ITGB8: variants seen among roughly 807,000 people sequenced by gnomAD.
ITGB8 encodes the protein integrin beta-8.
Under a neutral mutation model 89.5 loss-of-function variants are expected in ITGB8, and 30 were observed. The observed-to-expected ratio is 0.34, with a 90% CI of 0.25 to 0.45. The LOEUF is 0.45. Ranked by LOEUF, ITGB8 falls within the 20% of genes least tolerant of loss-of-function variation. The pLI, the probability that ITGB8 is intolerant of heterozygous loss-of-function variation, is 1.00. For synonymous variants in ITGB8, 335 were observed against 320.4 expected (o/e 1.05, Z -0.49); for missense variants, 836 against 933.3 (o/e 0.90, Z 1.36).
chr7:20,406,447 G>A (rs1787547155), intron 12 of ITGB8, among the ~76,000 whole-genome samples: 1 of 151,944 alleles, frequency 6.6e-6, no homozygotes, highest in Non-Finnish European at 1.5e-5. Context: ...CTACTCAGGA[G>A]GCATAGGCAG....
chr7:20,348,607 C>T (rs1785006739), intron 1 of ITGB8, among the ~76,000 whole-genome samples: 1 of 152,166 alleles, frequency 6.6e-6, no homozygotes, highest in Admixed American at 6.5e-5. Context: ...TGGCTCTGTC[C>T]ATGGTGGAGG....
intron 1 of ITGB8, among the ~76,000 whole-genome samples, chr7:20,357,533 C>T (rs1227736230): frequency 2.0e-5 from 3 of 151,760 alleles, no homozygotes; most frequent in Admixed American, 2.0e-4. Flanking sequence ...GATAATATAC[C>T]CAACATAGAT....
Position 20,331,597 on chromosome 7 carries a change from C to T in ITGB8, c.-210C>T. On this transcript the variant is annotated 5_prime_UTR_variant, in exon 1 of 14. Transcript: ENST00000222573. ...AGACCGCGGGACCCGCCGTGCCGAGCCGGGAGGGCCGCAGGGGCCCTGAGA... is the reference window on the plus strand; with the variant it reads ...AGACCGCGGGACCCGCCGTGCCGAGTCGGGAGGGCCGCAGGGGCCCTGAGA... 1 of 495,042 alleles carries T rather than the reference C, an allele frequency of 2.0e-6. No individual in the cohort carries two copies. Among genetic ancestry groups the T allele is most frequent in the Non-Finnish European group, 3.3e-6 (1 of 300,124 alleles). The allele number at this position is 495,042 out of a possible 1,614,324, so 30.7% of individuals were successfully genotyped here.
intron 3 of ITGB8, among the ~76,000 whole-genome samples, chr7:20,370,158 G>A (rs1001378498): frequency 6.6e-6 from 1 of 151,758 alleles, no homozygotes; most frequent in Non-Finnish European, 1.5e-5. Context: ...GAGAACCAGA[G>A]AGCTGGTTCT....
At chr7:20,346,607 C>A in intron 1 of ITGB8, 1 of 591,126 alleles carries the variant, frequency 1.7e-6, no homozygotes, top group Non-Finnish European at 2.1e-6. Flanking sequence ...AAGGAAGAGA[C>A]AAGGTCTGAG....
In ITGB8 at chr7:20,412,426, G is replaced by T. The variant is rs901234213; in HGVS notation, c.*2429G>T. 1.3e-5 allele frequency: 2 copies of T among 152,464 alleles called. No individual in the cohort carries two copies. The highest frequency in any genetic ancestry group is 4.8e-5 in the African/African-American group (2 of 41,424). The allele number at this position is 152,464 out of a possible 1,614,324, so 9.4% of individuals were successfully genotyped here. The stretch of plus-strand genomic sequence containing the variant: ...AAAAGTGTAAGATAGCCATTAAGAT[G>T]ATGACAATTTTTGAAATGAACATTA... On this transcript the variant is annotated 3_prime_UTR_variant, in exon 14 of 14. Transcript: ENST00000222573.
chr7:20,388,643 T>A (rs889136969), intron 6 of ITGB8, among the ~76,000 whole-genome samples: 1 of 152,024 alleles, frequency 6.6e-6, no homozygotes, highest in African/African-American at 2.4e-5. Flanking sequence ...TTTTTTTTCT[T>A]TTTTTTATTA....
intron 10 of ITGB8, among the ~76,000 whole-genome samples, chr7:20,403,617 G>A (rs1010389279): frequency 1.1e-4 from 17 of 152,146 alleles, no homozygotes; most frequent in African/African-American, 3.9e-4. Flanking sequence ...GTCTGGCCTG[G>A]ACCTCATTAG....
chr7:20,353,340 A>C (rs1348367280), intron 1 of ITGB8: 1 of 152,250 alleles, frequency 6.6e-6, no homozygotes, highest in Non-Finnish European at 1.5e-5. Flanking sequence ...TATATATAAT[A>C]AAAGCCTTAA....
At chr7:20,386,243 A>AC (rs35177130) in intron 6 of ITGB8, among the ~76,000 whole-genome samples, 1 of 144,768 alleles carries the variant, frequency 6.9e-6, no homozygotes, top group Admixed American at 6.9e-5. Flanking sequence ...CTATGAGAAC[A>AC]TTTTTTTTTT....
At chr7:20,356,489 G>C (rs1021588908) in intron 1 of ITGB8, among the ~76,000 whole-genome samples, 2 of 152,098 alleles carry the variant, frequency 1.3e-5, no homozygotes, top group Non-Finnish European at 2.9e-5. Flanking sequence ...TATCAAAGCA[G>C]AACATGTATT....
At chr7:20,401,089 C>T (rs931258843) in intron 9 of ITGB8, among the ~76,000 whole-genome samples, 3 of 145,374 alleles carry the variant, frequency 2.1e-5, no homozygotes, top group Non-Finnish European at 4.4e-5. Context: ...ATTCTCCTGC[C>T]TCAGCCTCCC....
intron 6 of ITGB8, 166 bp downstream of exon 6, chr7:20,382,051 C>CCTG: frequency 1.9e-6 from 1 of 519,206 alleles, no homozygotes; most frequent in Non-Finnish European, 3.3e-6. Context: ...TCTATAAATA[C>CCTG]TGATCAATAA....
intron 2 of ITGB8, chr7:20,364,644 T>A (rs1471786585): frequency 6.6e-6 from 1 of 152,218 alleles, no homozygotes; most frequent in Admixed American, 6.5e-5. Flanking sequence ...GAAAACCAGA[T>A]GTCATTCATG....
intron 1 of ITGB8, among the ~76,000 whole-genome samples, chr7:20,351,181 C>G (rs1392130924): frequency 6.6e-6 from 1 of 152,156 alleles, no homozygotes; most frequent in Non-Finnish European, 1.5e-5. Context: ...TCTGGAGGTA[C>G]TAGGGATTAT....
intron 2 of ITGB8, chr7:20,365,016 G>A (rs1214258537): frequency 6.6e-6 from 1 of 152,206 alleles, no homozygotes; most frequent in Non-Finnish European, 1.5e-5. Context: ...AGATAGTACA[G>A]AAGCCCAGTT....
chr7:20,385,226 G>C (rs1356292393), intron 6 of ITGB8, among the ~76,000 whole-genome samples: 1 of 152,208 alleles, frequency 6.6e-6, no homozygotes, highest in East Asian at 1.9e-4. Flanking sequence ...CAAGTATGTG[G>C]AGGTCATCCA....
At chr7:20,352,183 T>C (rs921334145) in intron 1 of ITGB8, 3 of 152,226 alleles carry the variant, frequency 2.0e-5, no homozygotes, top group African/African-American at 7.2e-5. Context: ...TTGGGGGCCC[T>C]CCTTGAATCT....
In ITGB8 at chr7:20,381,850, C is replaced by T; in HGVS notation, c.925C>T (p.Leu309=). The part of the protein sequence containing the change: ...IVVPNDGNCH[L]KNNVYVKSTT... ...GGTGCCCAATGACGGAAACTGTCAT[C>T]TGAAAAACAACGTCTATGTCAAATC... The change falls in exon 6 of 14, where the codon CTG becomes TTG. Residue 309 remains leucine (L), a synonymous_variant. Coordinates refer to ENST00000222573, the MANE Select transcript of ITGB8 (RefSeq NM_002214.3). The T allele has an allele frequency of 6.2e-7, 1 of 1,613,572 alleles. No homozygotes were observed. The highest frequency in any genetic ancestry group is 2.2e-5 in the East Asian group (1 of 44,862).
Sources: allele counts gnomAD v4.1 joint callset (sites outside exome capture counted in the v4.1 genomes callset), GRCh38; gene constraint gnomAD v4.1.1; transcripts MANE v1.5; gene names NCBI Gene and HGNC (gene_info 2026-07-23, HGNC 2026-07-21).